The following FHIT variants were observed in gnomAD, a reference collection of about 807,000 sequenced individuals.
FHIT encodes the protein bis(5'-adenosyl)-triphosphatase.
Under a neutral mutation model 17.9 loss-of-function variants are expected in FHIT, and 19 were observed. That is an observed-to-expected ratio of 1.06 (90% CI 0.74 to 1.56). FHIT has a LOEUF of 1.56. FHIT is among the 40% of genes most tolerant of loss of function. The pLI is 0.00. For missense variants in FHIT, 248 were observed against 189.2 expected, an observed-to-expected ratio of 1.31 and a Z score of -1.82; for synonymous variants, 81 against 69.7, an observed-to-expected ratio of 1.16 and a Z score of -0.81.
At chr3:60,113,063 A>C (rs779305021) in intron 5 of FHIT, among the ~76,000 whole-genome samples, 2 of 152,172 alleles carry the variant, frequency 1.3e-5, no homozygotes, top group Non-Finnish European at 2.9e-5. Flanking sequence ...TGACCATCCA[A>C]TCTCAAGTAG....
At chr3:61,140,708 C>CAA (rs2037056888) in intron 2 of FHIT, among the ~76,000 whole-genome samples, 1 of 152,142 alleles carries the variant, frequency 6.6e-6, no homozygotes, top group Non-Finnish European at 1.5e-5. Context: ...CCTTCCTGGT[C>CAA]ATAGCCACCA....
rs574692779 is a variant in FHIT at position 60,044,705 on chromosome 3, G to C, written c.104-30553C>G. The stretch of plus-strand genomic sequence containing the variant: ...ATGATGAAAATGAGACTCAAATATA[G>C]ATTGTATACCTCATTCCACTGTTAC... On this transcript the variant is annotated intron_variant, in intron 5 of 9. Transcript: ENST00000492590. Among the ~76,000 whole-genome samples the C allele has an allele frequency of 6.6e-5, 10 of 152,240 alleles. No individual in the cohort carries two copies. The South Asian group carries it at 8.3e-4, about 13-fold the overall frequency.
intron 5 of FHIT, among the ~76,000 whole-genome samples, chr3:60,235,974 T>C (rs1277758946): frequency 1.3e-5 from 2 of 152,104 alleles, no homozygotes; most frequent in Admixed American, 6.5e-5. Flanking sequence ...AGAGGACTTC[T>C]TGTATTTTGC....
At chr3:59,790,635 T>G (rs1457065591) in intron 8 of FHIT, among the ~76,000 whole-genome samples, 1 of 152,150 alleles carries the variant, frequency 6.6e-6, no homozygotes, top group Non-Finnish European at 1.5e-5. Context: ...TTAGGAAAAC[T>G]GAAACACAGG....
intron 4 of FHIT, among the ~76,000 whole-genome samples, chr3:60,769,267 T>C (rs12185984): frequency 0.61 from 92,608 of 151,926 alleles, 30,823 homozygotes; most frequent in African/African-American, 0.88. Flanking sequence ...GGCTGCAGAA[T>C]GTTCTCTTAA....
chr3:60,782,012 C>T (rs1217122096), intron 4 of FHIT, among the ~76,000 whole-genome samples: 3 of 152,126 alleles, frequency 2.0e-5, no homozygotes, highest in Non-Finnish European at 4.4e-5. Context: ...AATATCTCCC[C>T]ATTTCCCCTA....
At chr3:60,973,210 G>A (rs929089428) in intron 3 of FHIT, among the ~76,000 whole-genome samples, 1 of 152,168 alleles carries the variant, frequency 6.6e-6, no homozygotes, top group African/African-American at 2.4e-5. Context: ...GGCAGATAGA[G>A]TACAGGAAAA....
intron 4 of FHIT, among the ~76,000 whole-genome samples, chr3:60,537,735 G>A (rs1405447886): frequency 6.6e-6 from 1 of 152,152 alleles, no homozygotes; most frequent in Non-Finnish European, 1.5e-5. Context: ...AATCCATCTA[G>A]CACCAAGGAA....
intron 5 of FHIT, among the ~76,000 whole-genome samples, chr3:60,521,507 A>C (rs537811477): frequency 1.3e-5 from 2 of 152,162 alleles, no homozygotes; most frequent in Non-Finnish European, 2.9e-5. Context: ...TCGGCCTCCC[A>C]AAGTGCTGGG....
chr3:60,608,208 C>G (rs912455049), intron 4 of FHIT, among the ~76,000 whole-genome samples: 1 of 152,178 alleles, frequency 6.6e-6, no homozygotes, highest in Non-Finnish European at 1.5e-5. Context: ...TTCTCTCTCT[C>G]TTTCCTCTTC....
At position 60,564,734 on chromosome 3, in the gene FHIT, T is replaced by C. The variant is rs75713589; in HGVS notation, c.-17-27755A>G. 1.7e-3 allele frequency among the ~76,000 whole-genome samples: 253 copies of C among 152,260 alleles called. 4 individuals carry two copies. The highest frequency in any genetic ancestry group is 5.8e-3 in the African/African-American group (241 of 41,552). ...TGATCAAACTTGAACAGATGAGAAATTGCTTTTTATGGGTGAGCAAAGAAA... is the reference window on the plus strand; with the variant it reads ...TGATCAAACTTGAACAGATGAGAAACTGCTTTTTATGGGTGAGCAAAGAAA... On this transcript the variant is annotated intron_variant, in intron 4 of 9. Transcript: ENST00000492590.
At chr3:60,060,134 T>A (rs369248720) in intron 5 of FHIT, among the ~76,000 whole-genome samples, 2 of 152,070 alleles carry the variant, frequency 1.3e-5, no homozygotes, top group Admixed American at 1.3e-4. Flanking sequence ...CTCTATAACT[T>A]CTTAAACCAT....
At chr3:60,256,170 C>T (rs868507509) in intron 5 of FHIT, among the ~76,000 whole-genome samples, 3 of 152,140 alleles carry the variant, frequency 2.0e-5, no homozygotes, top group Non-Finnish European at 4.4e-5. Context: ...AATTCCCCAT[C>T]GTGCCTATTC....
At chr3:60,227,479 T>C (rs9810084) in intron 5 of FHIT, among the ~76,000 whole-genome samples, 28,220 of 152,098 alleles carry the variant, frequency 0.19, 2,663 homozygotes, top group East Asian at 0.27. Context: ...TTTCATTATT[T>C]ACATTTCCCT....
chr3:60,764,425 G>A (rs2108060820), intron 4 of FHIT, among the ~76,000 whole-genome samples: 1 of 152,258 alleles, frequency 6.6e-6, no homozygotes, highest in Admixed American at 6.5e-5. Context: ...TGGGTAGGTG[G>A]GGAGGTGGAT....
intron 4 of FHIT, among the ~76,000 whole-genome samples, chr3:60,621,842 C>T (rs1305729394): frequency 6.8e-6 from 1 of 148,146 alleles, no homozygotes; most frequent in Admixed American, 6.8e-5. Context: ...CACTGGACTC[C>T]AGCCTGGGTG....
At chr3:59,950,987 T>C (rs909466621) in intron 7 of FHIT, among the ~76,000 whole-genome samples, 1 of 152,214 alleles carries the variant, frequency 6.6e-6, no homozygotes, top group Non-Finnish European at 1.5e-5. Context: ...TTTGGCATAG[T>C]AACAACAATG....
chr3:60,880,651 G>T (rs1348010376), intron 3 of FHIT, among the ~76,000 whole-genome samples: 1 of 152,212 alleles, frequency 6.6e-6, no homozygotes, highest in East Asian at 1.9e-4. Flanking sequence ...AGAATCACTT[G>T]TACCCAGGAG....
intron 4 of FHIT, among the ~76,000 whole-genome samples, chr3:60,719,292 T>G (rs1735471): frequency 0.93 from 140,854 of 152,140 alleles, 65,687 homozygotes; most frequent in East Asian, 1. Context: ...CACTCCAATT[T>G]GACCTTAAAA....
Sources: gnomAD v4.1 joint callset for allele counts (sites outside exome capture counted in the v4.1 genomes callset) on GRCh38, gnomAD v4.1.1 for gene constraint, MANE v1.5 for transcripts, NCBI Gene and HGNC (gene_info 2026-07-23, HGNC 2026-07-21) for gene names.